The following CTDSPL variants were observed in gnomAD, a reference collection of about 807,000 sequenced individuals.
CTDSPL encodes the protein CTD small phosphatase like.
CTDSPL carries 8 observed loss-of-function variants against 30.5 expected under a neutral mutation model. The observed-to-expected ratio is 0.26, with a 90% CI of 0.15 to 0.47. CTDSPL has a LOEUF of 0.47. Ranked by LOEUF, CTDSPL falls within the 20% of genes least tolerant of loss-of-function variation. CTDSPL has a pLI of 0.99. For synonymous variants in CTDSPL, 110 were observed against 137.9 expected (o/e 0.80, Z 1.42); for missense variants, 248 against 366.1 (o/e 0.68, Z 2.63).
chr3:37,909,084 CT>C (rs1418450144), intron 1 of CTDSPL, among the ~76,000 whole-genome samples: 2 of 152,110 alleles, frequency 1.3e-5, no homozygotes, highest in African/African-American at 4.8e-5. Flanking sequence ...TGGTCTTTCT[CT>C]TTATTTTGTT....
chr3:37,974,795 G>A (rs1002923237), intron 6 of CTDSPL, among the ~76,000 whole-genome samples: 2 of 152,180 alleles, frequency 1.3e-5, no homozygotes, highest in Non-Finnish European at 2.9e-5. Flanking sequence ...TCACTCAGGG[G>A]CTGGTCTGGC....
At chr3:37,918,369 C>G (rs1225923337) in intron 1 of CTDSPL, among the ~76,000 whole-genome samples, 1 of 152,204 alleles carries the variant, frequency 6.6e-6, no homozygotes, top group Non-Finnish European at 1.5e-5. Context: ...AAGGCCTTTG[C>G]CAGCTTTGGA....
At chr3:37,957,048 T>C in intron 2 of CTDSPL, 63 bp from the exon 3 acceptor site, 1 of 1,376,722 alleles carries the variant, frequency 7.3e-7, no homozygotes, top group Non-Finnish European at 1.0e-6. Context: ...GCTTTGAAGT[T>C]TCTTTTGAGA....
intron 1 of CTDSPL, among the ~76,000 whole-genome samples, chr3:37,888,019 T>TG (rs1249978225): frequency 2.6e-5 from 4 of 151,788 alleles, no homozygotes; most frequent in Non-Finnish European, 4.4e-5. Context: ...GAGCCAAAGG[T>TG]GGGGGAGAGG....
intron 1 of CTDSPL, among the ~76,000 whole-genome samples, chr3:37,911,366 T>A (rs1438618498): frequency 6.6e-6 from 1 of 152,160 alleles, no homozygotes; most frequent in Non-Finnish European, 1.5e-5. Flanking sequence ...CTTTGGAACT[T>A]CAGAACTGAG....
At chr3:37,910,619 A>G (rs991643810) in intron 1 of CTDSPL, among the ~76,000 whole-genome samples, 2 of 152,272 alleles carry the variant, frequency 1.3e-5, no homozygotes, top group Non-Finnish European at 2.9e-5. Flanking sequence ...ATTTATGAAT[A>G]ATCTGCATGG....
At chr3:37,887,603 G>A (rs190185165) in intron 1 of CTDSPL, among the ~76,000 whole-genome samples, 1 of 152,158 alleles carries the variant, frequency 6.6e-6, no homozygotes. Flanking sequence ...TCCCAGGATG[G>A]TTATAAGGAT....
In CTDSPL at chr3:37,865,499, G is replaced by C. The variant is rs550491047; in HGVS notation, c.79+3221G>C. On this transcript the variant is annotated intron_variant, in intron 1 of 7. Transcript: ENST00000273179. The stretch of plus-strand genomic sequence containing the variant: ...TTTGTGAGAGAATAAAGTGAGTACA[G>C]AGTTTTTAGAGAGTAATTTAATACT... Among the ~76,000 whole-genome samples the C allele has an allele frequency of 3.3e-5, 5 of 152,306 alleles. No homozygotes were observed. The South Asian group carries it at 1.0e-3, about 32-fold the overall frequency.
chr3:37,875,977 T>G (rs1397868019), intron 1 of CTDSPL, among the ~76,000 whole-genome samples: 1 of 152,126 alleles, frequency 6.6e-6, no homozygotes, highest in Non-Finnish European at 1.5e-5. Flanking sequence ...GTGTGGTGGC[T>G]CACACCTGTA....
At chr3:37,900,950 A>T (rs2125601129) in intron 1 of CTDSPL, among the ~76,000 whole-genome samples, 1 of 152,094 alleles carries the variant, frequency 6.6e-6, no homozygotes, top group South Asian at 2.1e-4. Context: ...GGCACATATC[A>T]CCACGCCGGC....
rs1363310780 is a variant in CTDSPL, at chr3:37,862,300, C to T, written c.79+22C>T. 6.8e-7 allele frequency: 1 copy of T among 1,478,850 alleles called. No individual in the cohort carries two copies. 91.6% of individuals were successfully genotyped at this position (1,478,850 alleles called of 1,614,324 possible). A position where few individuals can be genotyped will look rare whatever the true frequency, so the allele number is the denominator to read the frequency against. On this transcript the variant is annotated intron_variant, in intron 1 of 7. Transcript: ENST00000273179. The surrounding 1 kb of genome is among the most constrained non-coding windows in gnomAD (Gnocchi z 4.3). ...AAAGGTGAGGAGGGGCGCAGGCGGC[C>T]GCGGGCTGGGGGCGAGCGCACACCC...
chr3:37,967,683 C>G (rs1219187857), intron 4 of CTDSPL, 143 bp from the exon 5 acceptor site: 7 of 584,728 alleles, frequency 1.2e-5, no homozygotes, highest in Non-Finnish European at 2.1e-5. Flanking sequence ...TTTTAAGGAA[C>G]CAAGGCATGC....
intron 1 of CTDSPL, among the ~76,000 whole-genome samples, chr3:37,868,718 T>C (rs1031824906): frequency 2.6e-5 from 4 of 152,098 alleles, no homozygotes; most frequent in Non-Finnish European, 5.9e-5. Flanking sequence ...TGGGCATATT[T>C]ATGTGGGTCT....
chr3:37,911,923 G>C lies in CTDSPL; in HGVS notation c.80-35134G>C, dbSNP rs984720065. ...AAATACAAAAATGTATTAGCTGGGC[G>C]TGGTGGCGGGCGCCTGCAGTCCCAG... is the stretch of plus-strand genomic sequence containing the variant. On this transcript the variant is annotated intron_variant, in intron 1 of 7. Transcript: ENST00000273179. 17 of 273,044 alleles carry C rather than the reference G, an allele frequency of 6.2e-5. No individual in the cohort carries two copies. The East Asian group carries it at 1.7e-3, about 27-fold the overall frequency. 16.9% of individuals were successfully genotyped at this position (273,044 alleles called of 1,614,324 possible).
intron 1 of CTDSPL, among the ~76,000 whole-genome samples, chr3:37,865,987 T>G (rs1486556951): frequency 6.6e-6 from 1 of 152,234 alleles, no homozygotes; most frequent in Non-Finnish European, 1.5e-5. Context: ...CAGGTATTGG[T>G]TCAGCCAAAC....
chr3:37,893,060 T>A (rs1246030114), intron 1 of CTDSPL, among the ~76,000 whole-genome samples: 1 of 152,200 alleles, frequency 6.6e-6, no homozygotes, highest in South Asian at 2.1e-4. Context: ...GGGACAAACA[T>A]AGACTGTTCC....
chr3:37,881,876 T>C (rs1226312016), intron 1 of CTDSPL, among the ~76,000 whole-genome samples: 1 of 152,222 alleles, frequency 6.6e-6, no homozygotes, highest in African/African-American at 2.4e-5. Flanking sequence ...ACAGGGAGTT[T>C]CTGTTGTATC....
intron 1 of CTDSPL, among the ~76,000 whole-genome samples, chr3:37,936,178 G>T (rs1698913058): frequency 6.6e-6 from 1 of 152,126 alleles, no homozygotes; most frequent in South Asian, 2.1e-4. Context: ...CTGCTGGAGG[G>T]ACTACTGCCA....
intron 2 of CTDSPL, among the ~76,000 whole-genome samples, chr3:37,950,988 T>C (rs1368353973): frequency 6.6e-6 from 1 of 152,198 alleles, no homozygotes; most frequent in Non-Finnish European, 1.5e-5. Flanking sequence ...AGATAAAAGT[T>C]TCTTAGATAT....
Sources: gnomAD v4.1 joint callset for allele counts (sites outside exome capture counted in the v4.1 genomes callset) on GRCh38, gnomAD v4.1.1 for gene constraint, Gnocchi (gnomAD v3.1) non-coding constraint, MANE v1.5 for transcripts, NCBI Gene and HGNC (gene_info 2026-07-23, HGNC 2026-07-21) for gene names.